Variants in SKAP1 observed in about 807,000 individuals in gnomAD.
SKAP1 encodes src kinase-associated phosphoprotein 1.
Under a neutral mutation model 58.5 loss-of-function variants are expected in SKAP1, and 44 were observed. The ratio of observed to expected loss-of-function variants is 0.75; its 90% confidence interval spans 0.59 to 0.97. The LOEUF is 0.97. Among genes scored for constraint, SKAP1 ranks in the 50% least tolerant of loss-of-function variants. SKAP1 has a pLI of 0.00. For synonymous variants in SKAP1, 127 were observed against 149.7 expected (o/e 0.85, Z 1.11); for missense variants, 390 against 435.2 (o/e 0.90, Z 0.92).
intron 4 of SKAP1, among the ~76,000 whole-genome samples, chr17:48,277,113 T>G (rs948086536): frequency 6.6e-6 from 1 of 152,258 alleles, no homozygotes; most frequent in African/African-American, 2.4e-5. Context: ...ATACTTCTTT[T>G]ATATTACAGA....
Position 48,176,931 on chromosome 17 carries a change from T to G in SKAP1, c.826+3123A>C, listed in dbSNP as rs886610420. ...TCCCTATAGAGACAGTGTGGGCTTG[T>G]GTGGGCCCCATCCCAAAAGGGAGGA... On this transcript the variant is annotated intron_variant, in intron 9 of 12. Coordinates refer to ENST00000336915, the MANE Select transcript of SKAP1 (RefSeq NM_003726.4). 3.3e-5 allele frequency among the ~76,000 whole-genome samples: 5 copies of G among 152,228 alleles called. 1 individual carries two copies. The South Asian group carries it at 8.3e-4, about 25-fold the overall frequency.
At chr17:48,341,918 A>G (rs2066658577) in intron 4 of SKAP1, among the ~76,000 whole-genome samples, 1 of 152,208 alleles carries the variant, frequency 6.6e-6, no homozygotes. Context: ...GTTTCTTCTA[A>G]AATAATTTTA....
At chr17:48,310,367 T>C (rs190655443) in intron 4 of SKAP1, among the ~76,000 whole-genome samples, 97 of 152,336 alleles carry the variant, frequency 6.4e-4, no homozygotes, top group Non-Finnish European at 1.2e-3. Context: ...TGTCCTTCTG[T>C]ACATGTGAAG....
chr17:48,381,323 A>G (rs1044074078), intron 2 of SKAP1, among the ~76,000 whole-genome samples: 4 of 152,126 alleles, frequency 2.6e-5, no homozygotes, highest in African/African-American at 9.7e-5. Context: ...CATACCTCCC[A>G]TTACTCTCTT....
intron 4 of SKAP1, among the ~76,000 whole-genome samples, chr17:48,219,189 T>C (rs2064973968): frequency 6.6e-6 from 1 of 152,172 alleles, no homozygotes; most frequent in Non-Finnish European, 1.5e-5. Context: ...TTTTTATCTC[T>C]AGATTTATTG....
chr17:48,202,199 A>C (rs1469783998), intron 4 of SKAP1, among the ~76,000 whole-genome samples: 1 of 152,232 alleles, frequency 6.6e-6, no homozygotes, highest in Non-Finnish European at 1.5e-5. Context: ...TCATCAGAGT[A>C]CTGCATTGAG....
chr17:48,178,376 G>A (rs950240131), intron 9 of SKAP1, among the ~76,000 whole-genome samples: 5 of 152,184 alleles, frequency 3.3e-5, no homozygotes, highest in South Asian at 4.1e-4. Flanking sequence ...AGTGTCACCC[G>A]GATATTTCCC....
chr17:48,367,247 T>C (rs2067016049), intron 2 of SKAP1, among the ~76,000 whole-genome samples: 1 of 152,076 alleles, frequency 6.6e-6, no homozygotes, highest in Non-Finnish European at 1.5e-5. Context: ...GTCCATCTAG[T>C]TGATGTTAAA....
chr17:48,355,921 T>C (rs1015088393), intron 3 of SKAP1, among the ~76,000 whole-genome samples: 2 of 152,084 alleles, frequency 1.3e-5, no homozygotes, highest in African/African-American at 2.4e-5. Context: ...AATGCTGCTG[T>C]TTTATACCAT....
intron 11 of SKAP1, among the ~76,000 whole-genome samples, chr17:48,157,853 G>A (rs2064001343): frequency 6.6e-6 from 1 of 150,444 alleles, no homozygotes; most frequent in African/African-American, 2.4e-5. Context: ...TTCTTGCCCA[G>A]TCAATCATCT....
intron 4 of SKAP1, among the ~76,000 whole-genome samples, chr17:48,334,466 G>A (rs914683043): frequency 1.3e-5 from 2 of 151,814 alleles, no homozygotes; most frequent in African/African-American, 4.8e-5. Flanking sequence ...AATATGCATA[G>A]TAGTAAATAG....
intron 4 of SKAP1, among the ~76,000 whole-genome samples, chr17:48,281,975 A>C (rs540646936): frequency 2.6e-5 from 4 of 152,338 alleles, no homozygotes; most frequent in Admixed American, 2.0e-4. Flanking sequence ...TGTAACTAAG[A>C]GTACATATTC....
At chr17:48,313,177 A>G (rs569685778) in intron 4 of SKAP1, among the ~76,000 whole-genome samples, 89 of 152,154 alleles carry the variant, frequency 5.8e-4, no homozygotes, top group African/African-American at 2.0e-3. Context: ...GCTGGTGTGA[A>G]CAGGAACCGA....
chr17:48,349,763 A>G (rs1031168393), intron 3 of SKAP1, among the ~76,000 whole-genome samples: 2 of 152,200 alleles, frequency 1.3e-5, no homozygotes, highest in Admixed American at 1.3e-4. Context: ...CCACAGAGTG[A>G]TAAGTTGTGA....
chr17:48,426,133 C>CTGATTTTATGATTGACTGCATTTA (rs1204087138), intron 1 of SKAP1, among the ~76,000 whole-genome samples: 7 of 152,214 alleles, frequency 4.6e-5, no homozygotes, highest in Non-Finnish European at 1.0e-4. Flanking sequence ...TTTTACTATA[C>CTGATTTTATGATTGACTGCATTTA]TGAAACGGAT....
At chr17:48,440,696 C>T in the SKAP1 span, among the ~76,000 whole-genome samples, 9 of 152,198 alleles carry the variant, frequency 5.9e-5, no homozygotes, top group Non-Finnish European at 1.3e-4. Flanking sequence ...GATCCTCCCA[C>T]CCTCAGTGGA....
intron 4 of SKAP1, among the ~76,000 whole-genome samples, chr17:48,281,184 C>A (rs1047357139): frequency 7.9e-5 from 12 of 152,106 alleles, no homozygotes; most frequent in African/African-American, 2.9e-4. Context: ...TGCCACCATG[C>A]CCGGCTAATT....
intron 1 of SKAP1, among the ~76,000 whole-genome samples, chr17:48,397,908 T>C (rs2067442166): frequency 1.3e-5 from 2 of 152,094 alleles, no homozygotes; most frequent in Non-Finnish European, 2.9e-5. Context: ...ACAAAATACA[T>C]TGATAATGAT....
At chr17:48,425,709 A>G (rs972947940) in intron 1 of SKAP1, among the ~76,000 whole-genome samples, 1 of 152,234 alleles carries the variant, frequency 6.6e-6, no homozygotes, top group Non-Finnish European at 1.5e-5. Context: ...CTCAATTCCA[A>G]CTAACGTGGT....
Sources: allele counts gnomAD v4.1 joint callset (sites outside exome capture counted in the v4.1 genomes callset), GRCh38; gene constraint gnomAD v4.1.1; transcripts MANE v1.5; gene names NCBI Gene and HGNC (gene_info 2026-07-23, HGNC 2026-07-21).